SEC24C: variants seen among roughly 807,000 people sequenced by gnomAD.
The protein encoded by SEC24C is protein transport protein Sec24C.
A neutral mutation model predicts 117.0 loss-of-function variants in SEC24C; 22 were observed. The ratio of observed to expected loss-of-function variants is 0.19; its 90% CI spans 0.13 to 0.27. The LOEUF (loss-of-function observed/expected upper bound fraction) is 0.27. Among genes scored for constraint, SEC24C ranks in the 10% least tolerant of loss-of-function variants. The pLI is 1.00. For missense variants in SEC24C, 1,155 were observed against 1,375.1 expected (o/e 0.84, Z 2.53); for synonymous variants, 506 against 529.4 (o/e 0.96, Z 0.61).
At chr10:73,757,215 A>C (rs1215044218) in intron 3 of SEC24C, among the ~76,000 whole-genome samples, 1 of 142,742 alleles carries the variant, frequency 7.0e-6, no homozygotes, top group East Asian at 2.1e-4. Context: ...CACCTGGCCT[A>C]ATTTTTTTTT....
Position 73,769,286 on chromosome 10 carries a change from A to G in SEC24C, c.2425-61A>G. On this transcript the variant is annotated intron_variant, in intron 17 of 22. Coordinates refer to ENST00000345254, the MANE Select transcript of SEC24C (RefSeq NM_198597.3). The surrounding 1 kb of genome is among the most constrained non-coding windows in gnomAD (Gnocchi z 4.5). ...GCTCATTTCTCTCTTCCAGTTTAATAGTGTAGCAAAGGGCCTTTGTGAGGG... is the reference window on the plus strand; with the variant it reads ...GCTCATTTCTCTCTTCCAGTTTAATGGTGTAGCAAAGGGCCTTTGTGAGGG... 1.2e-6 allele frequency: 2 copies of G among 1,601,772 alleles called. No homozygotes were observed. Among genetic ancestry groups the G allele is most frequent in the Non-Finnish European group, 1.7e-6 (2 of 1,173,784 alleles).
rs1440691246 is a variant in SEC24C, at chr10:73,763,518, A to G, written c.1016A>G (p.Asn339Ser). The G allele has an allele frequency of 3.1e-6, 5 of 1,613,558 alleles. No homozygotes were observed. The highest frequency in any genetic ancestry group is 2.2e-5 in the East Asian group (1 of 44,864). Residue 339 changes from asparagine to serine, a missense_variant, in exon 7 of 23, where the codon AAC becomes AGC. Physicochemically the swap from Asn to Ser is conservative, Grantham distance 46 (BLOSUM62 1). Coordinates refer to ENST00000345254, the MANE Select transcript of SEC24C (RefSeq NM_198597.3). ...PIQVIEDDRN[N>S]RGTEPFVTGV... ...CAGGTCATTGAAGATGACAGGAACA[A>G]CCGGGGTACAGAGCCATTTGTTACT...
intron 3 of SEC24C, among the ~76,000 whole-genome samples, chr10:73,757,940 A>C (rs1055828469): frequency 4.7e-5 from 7 of 150,222 alleles, no homozygotes; most frequent in African/African-American, 1.7e-4. Context: ...AAAAAAAAAA[A>C]AAAAAAAACG....
At chr10:73,761,904 C>T (rs1313414406) in intron 6 of SEC24C, among the ~76,000 whole-genome samples, 2 of 152,032 alleles carry the variant, frequency 1.3e-5, no homozygotes, top group African/African-American at 4.8e-5. Context: ...ATAGTCTGAG[C>T]CATTAAAGCC....
At chr10:73,756,501 T>TA (rs1250499137) in intron 3 of SEC24C, among the ~76,000 whole-genome samples, 1 of 152,370 alleles carries the variant, frequency 6.6e-6, no homozygotes, top group Non-Finnish European at 1.5e-5. Flanking sequence ...GAAAATGTTT[T>TA]AAAATTTGAT....
At position 73,771,254 on chromosome 10, in the gene SEC24C, T is replaced by G; in HGVS notation, c.*159T>G. The stretch of plus-strand genomic sequence containing the variant: ...GACACCTTCTTTCTGGGCTCAAGTA[T>G]CCTGCCACTCTGTCATGTCCTGCTG... On this transcript the variant is annotated 3_prime_UTR_variant, in exon 23 of 23. Transcript: ENST00000345254. 1 of 763,108 alleles carries G rather than the reference T, an allele frequency of 1.3e-6. No homozygotes were observed. The allele number at this position is 763,108 out of a possible 1,614,324, so 47.3% of individuals were successfully genotyped here.
At position 73,759,768 on chromosome 10, in the gene SEC24C, C is replaced by T. The variant is rs1361076896; in HGVS notation, c.455C>T (p.Ala152Val). ...GMQISGAVAP[A>V]PPSSGLGFGP... ...CAGATCAGCGGTGCTGTGGCCCCAG[C>T]CCCTCCTTCTTCAGGGCTGGGCTTT... Residue 152 changes from alanine (A) to valine (V), a missense_variant, in exon 4 of 23, where the codon GCC (alanine) becomes GTC (valine). Physicochemically the swap from Ala to Val is moderately conservative, Grantham distance 64 (BLOSUM62 0). Coordinates refer to ENST00000345254, the MANE Select transcript of SEC24C (RefSeq NM_198597.3). 1.3e-6 allele frequency: 2 copies of T among 1,597,524 alleles called. No individual in the cohort carries two copies. The highest frequency in any genetic ancestry group is 1.7e-6 in the Non-Finnish European group (2 of 1,174,376).
chr10:73,760,365 G>T lies in SEC24C; in HGVS notation c.829G>T (p.Gly277Cys). The T allele has an allele frequency of 1.3e-6, 2 of 1,598,880 alleles. No homozygotes were observed. The highest frequency in any genetic ancestry group is 1.7e-6 in the Non-Finnish European group (2 of 1,174,256). ...LPPMHSPQQP[G>C]YQPQQNGSFG... ...ACCTATGCACTCCCCGCAGCAGCCA[G>T]GCTATCAGCCCCAACAAAATGGTGA... is the stretch of plus-strand genomic sequence containing the variant. The change falls in exon 5 of 23, where the codon GGC (glycine) becomes TGC (cysteine). Residue 277 changes from glycine (G) to cysteine (C), a missense_variant. Physicochemically the swap from Gly to Cys is radical, Grantham distance 159. Transcript: ENST00000345254.
chr10:73,763,706 T>TTTTTTA, intron 7 of SEC24C, 105 bp downstream of exon 7: 6 of 681,254 alleles, frequency 8.8e-6, no homozygotes, highest in South Asian at 2.6e-5. Context: ...TTTTAGTTTT[T>TTTTTTA]AACCAGAGAC....
chr10:73,769,349 T>C lies in SEC24C; in HGVS notation c.2427T>C (p.Cys809=), dbSNP rs2082937155. ...TCCCCCTTTCTCCTTTCCCCTAGTG[T>C]GCCCTGCTTTACACCAGCTGTGCAG... ...LNEESGALLQ[C]ALLYTSCAGQ... The change falls in exon 18 of 23, where the codon TGT becomes TGC. Residue 809 remains cysteine, a splice_region_variant and synonymous_variant. Coordinates refer to ENST00000345254, the MANE Select transcript of SEC24C (RefSeq NM_198597.3). This position sits in a 1 kb window ranked among gnomAD's most constrained non-coding sequence, Gnocchi z 4.5. 6.2e-7 allele frequency: 1 copy of C among 1,613,904 alleles called. No individual in the cohort carries two copies. The highest frequency in any genetic ancestry group is 8.5e-7 in the Non-Finnish European group (1 of 1,179,928).
Position 73,770,010 on chromosome 10 carries a change from C to G in SEC24C, c.2857C>G (p.Pro953Ala), listed in dbSNP as rs761891923. Residue 953 changes from proline to alanine, a missense_variant, in exon 20 of 23, where the codon CCT becomes GCT. By Grantham distance (27) the Pro-to-Ala change is conservative (BLOSUM62 -1). Coordinates refer to ENST00000345254, the MANE Select transcript of SEC24C (RefSeq NM_198597.3). The part of the protein sequence containing the change: ...TNVFFYPRLL[P>A]LTKSPVESTT... ...TGTCTTCTTCTACCCTCGGCTCTTA[C>G]CTTTGGTGCGATTGAGGGTTGGAGT... 6.2e-6 allele frequency: 10 copies of G among 1,614,028 alleles called. No homozygotes were observed. The highest frequency in any genetic ancestry group is 8.5e-6 in the Non-Finnish European group (10 of 1,179,954).
At chr10:73,768,627 C>CT in intron 15 of SEC24C, among the ~76,000 whole-genome samples, 183 bp from the exon 16 acceptor site, 1 of 152,208 alleles carries the variant, frequency 6.6e-6, no homozygotes. Context: ...GTAAAGCACT[C>CT]TGTGTGGTAC....
rs887706605 is a variant in SEC24C, at chr10:73,745,642, G to A, written c.-28-1163G>A. Among the ~76,000 whole-genome samples the A allele has an allele frequency of 2.2e-4, 33 of 151,610 alleles. 2 individuals are homozygous for A. In the East Asian group the frequency reaches 3.5e-3, roughly 16 times the overall value. On this transcript the variant is annotated intron_variant, in intron 1 of 22. Transcript: ENST00000345254. ...CGGCTTATTGCAATCTCCGCCTCCCGGGTTCAAGCGATTTCTCCTGCCTCA... is the reference window on the plus strand; with the variant it reads ...CGGCTTATTGCAATCTCCGCCTCCCAGGTTCAAGCGATTTCTCCTGCCTCA...
rs2132580170 is a variant in SEC24C, at chr10:73,769,409, G to C, written c.2487G>C (p.Leu829=). Residue 829 remains leucine, a synonymous_variant, in exon 18 of 23, where the codon CTG becomes CTC. Coordinates refer to ENST00000345254, the MANE Select transcript of SEC24C (RefSeq NM_198597.3). This position sits in a 1 kb window ranked among gnomAD's most constrained non-coding sequence, Gnocchi z 4.5. Reference sequence around the variant, plus strand: ...GGCTCCGCATCCATAATCTGGCCCTGAACTGCTGCACCCAGCTGGCTGATC... The same window carrying C: ...GGCTCCGCATCCATAATCTGGCCCTCAACTGCTGCACCCAGCTGGCTGATC... ...QRRLRIHNLA[L]NCCTQLADLY... is the part of the protein sequence containing the mutation. 6.2e-7 allele frequency: 1 copy of C among 1,614,122 alleles called. No homozygotes were observed. Among genetic ancestry groups the C allele is most frequent in the East Asian group, 2.2e-5 (1 of 44,884 alleles).
In SEC24C at chr10:73,750,615, A is replaced by G. The variant is rs16930866; in HGVS notation, c.173-493A>G. Among the ~76,000 whole-genome samples the G allele has an allele frequency of 4.2e-3, 637 of 152,364 alleles. 15 individuals are homozygous for G. In the East Asian group the frequency reaches 0.048, roughly 11 times the overall value. ...TAGAAGTGGATGAAAGGATATAGTT[A>G]GTGTAAGCAGAATGAATGAAGAAGA... On this transcript the variant is annotated intron_variant, in intron 2 of 22. Coordinates refer to ENST00000345254, the MANE Select transcript of SEC24C (RefSeq NM_198597.3).
chr10:73,762,903 TATATATACAC>T (rs2082818896), intron 6 of SEC24C, among the ~76,000 whole-genome samples: 1 of 152,200 alleles, frequency 6.6e-6, no homozygotes, highest in Non-Finnish European at 1.5e-5. Flanking sequence ...CCTCTCCTCC[TATATATACAC>T]ATTGATGCTT....
Position 73,760,398 on chromosome 10 carries a change from C to A in SEC24C, c.850+12C>A, listed in dbSNP as rs1452516849. Reference sequence around the variant, plus strand: ...GCCCCAACAAAATGGTGAGTCTTTCCCAAGGTCTGTCTTAGAAGCTAGAGG... The same window carrying A: ...GCCCCAACAAAATGGTGAGTCTTTCACAAGGTCTGTCTTAGAAGCTAGAGG... On this transcript the variant is annotated intron_variant, in intron 5 of 22. Transcript: ENST00000345254. 1.9e-6 allele frequency: 3 copies of A among 1,574,488 alleles called. No individual in the cohort carries two copies. The highest frequency in any genetic ancestry group is 2.6e-6 in the Non-Finnish European group (3 of 1,162,002).
In SEC24C at chr10:73,766,217, G is replaced by A; in HGVS notation, c.1607+7G>A. The A allele has an allele frequency of 1.9e-6, 3 of 1,609,690 alleles. No homozygotes were observed. The highest frequency in any genetic ancestry group is 2.5e-6 in the Non-Finnish European group (3 of 1,178,586). Reference sequence around the variant, plus strand: ...TGTTAGACTTTCTACCTAGGTGAGAGTTACAGAACTGAGGTGTTTCCTGAG... The same window carrying A: ...TGTTAGACTTTCTACCTAGGTGAGAATTACAGAACTGAGGTGTTTCCTGAG... On this transcript the variant is annotated splice_region_variant and intron_variant, in intron 11 of 22. Transcript: ENST00000345254.
At chr10:73,759,039 T>G (rs1365782318) in intron 3 of SEC24C, among the ~76,000 whole-genome samples, 2 of 152,146 alleles carry the variant, frequency 1.3e-5, no homozygotes, top group Non-Finnish European at 1.5e-5. Flanking sequence ...CTATAAAAAA[T>G]GCGAAAACTA....
Sources: allele counts gnomAD v4.1 joint callset (sites outside exome capture counted in the v4.1 genomes callset), GRCh38; gene constraint gnomAD v4.1.1; non-coding constraint Gnocchi (gnomAD v3.1); transcripts MANE v1.5; gene names NCBI Gene and HGNC (gene_info 2026-07-23, HGNC 2026-07-21).